RUVBL1: variants seen among roughly 807,000 people sequenced by gnomAD.
RUVBL1 encodes the protein ruvB-like 1.
Under a neutral mutation model 52.4 loss-of-function variants are expected in RUVBL1, and 4 were observed. The ratio of observed to expected loss-of-function variants is 0.08; its 90% CI spans 0.04 to 0.17. RUVBL1 has a LOEUF of 0.17. Among genes scored for constraint, RUVBL1 ranks in the 10% least tolerant of loss-of-function variants. RUVBL1 has a pLI of 1.00. For missense variants in RUVBL1, 298 were observed against 572.8 expected, an observed-to-expected ratio of 0.52 and a Z score of 4.90; for synonymous variants, 217 against 214.4, an observed-to-expected ratio of 1.01 and a Z score of -0.10.
At chr3:128,119,104 C>T (rs528711121) in intron 2 of RUVBL1, among the ~76,000 whole-genome samples, 1 of 152,192 alleles carries the variant, frequency 6.6e-6, no homozygotes, top group Admixed American at 6.5e-5. Flanking sequence ...ACAATGAGAC[C>T]CCTTCAAGGA....
chr3:128,119,910 C>A (rs191404444), intron 1 of RUVBL1, among the ~76,000 whole-genome samples: 372 of 152,212 alleles, frequency 2.4e-3, no homozygotes, highest in Non-Finnish European at 4.0e-3. Flanking sequence ...AGGTAGACAG[C>A]GGCCAGAACG....
At chr3:128,132,709 A>G (rs1053232080) in intron 1 of RUVBL1, among the ~76,000 whole-genome samples, 1 of 152,226 alleles carries the variant, frequency 6.6e-6, no homozygotes, top group Admixed American at 6.5e-5. Context: ...TCTGCTGAGT[A>G]GAGTGCATGG....
At chr3:128,096,642 C>T (rs1259341990) in intron 8 of RUVBL1, among the ~76,000 whole-genome samples, 4 of 151,968 alleles carry the variant, frequency 2.6e-5, no homozygotes, top group African/African-American at 7.3e-5. Context: ...TTGGCTAACA[C>T]GGTGAAACCC....
intron 1 of RUVBL1, among the ~76,000 whole-genome samples, chr3:128,139,644 T>G (rs1943991013): frequency 6.6e-6 from 1 of 152,144 alleles, no homozygotes; most frequent in Non-Finnish European, 1.5e-5. Context: ...TAGCCACAAT[T>G]TAGAAGCATC....
downstream of RUVBL1, among the ~76,000 whole-genome samples, chr3:128,076,715 G>A (rs1278941905): frequency 4.0e-5 from 6 of 151,796 alleles, no homozygotes; most frequent in Non-Finnish European, 8.8e-5. The surrounding 1 kb of genome is among the most constrained non-coding windows in gnomAD (Gnocchi z 6.8). Flanking sequence ...ATACACACGC[G>A]CGCGCGCAGC....
intron 1 of RUVBL1, among the ~76,000 whole-genome samples, chr3:128,143,638 C>A (rs1478854601): frequency 6.6e-6 from 1 of 152,186 alleles, no homozygotes; most frequent in African/African-American, 2.4e-5. Flanking sequence ...AGATTTCAGT[C>A]CAGTGGCAAA....
At chr3:128,134,844 G>A (rs925045691) in intron 1 of RUVBL1, among the ~76,000 whole-genome samples, 4 of 150,690 alleles carry the variant, frequency 2.7e-5, no homozygotes, top group Non-Finnish European at 5.9e-5. Context: ...GCAAAGAGGG[G>A]AAAAATTTAA....
intron 8 of RUVBL1, 105 bp downstream of exon 8, chr3:128,097,195 C>T (rs1323115984): frequency 8.0e-6 from 9 of 1,122,932 alleles, no homozygotes; most frequent in Non-Finnish European, 1.2e-5. Context: ...AACATGACCT[C>T]CCCTCATCCC....
intron 8 of RUVBL1, among the ~76,000 whole-genome samples, chr3:128,089,529 T>C (rs1453656506): frequency 6.6e-6 from 1 of 152,232 alleles, no homozygotes; most frequent in Non-Finnish European, 1.5e-5. Flanking sequence ...CAAGTAAGCA[T>C]GCTAAAAATT....
intron 6 of RUVBL1, 87 bp downstream of exon 6, chr3:128,100,508 C>A (rs908175307): frequency 1.4e-6 from 2 of 1,471,290 alleles, no homozygotes; most frequent in African/African-American, 2.8e-5. Context: ...TCAAGAAAGG[C>A]AGCAAGACTC....
chr3:128,087,904 G>T (rs1255493662), intron 8 of RUVBL1, 96 bp from the exon 9 acceptor site: 1 of 867,514 alleles, frequency 1.2e-6, no homozygotes, highest in Non-Finnish European at 1.9e-6. Context: ...CAAGCAGCTG[G>T]CTAGGCAGCC....
chr3:128,093,773 G>A (rs1942907729), intron 8 of RUVBL1, among the ~76,000 whole-genome samples: 1 of 152,226 alleles, frequency 6.6e-6, no homozygotes. Context: ...CAGGCAAGAA[G>A]GCAACAGAGC....
chr3:128,104,247 C>A (rs1943172947), intron 4 of RUVBL1, among the ~76,000 whole-genome samples: 1 of 152,200 alleles, frequency 6.6e-6, no homozygotes, highest in Non-Finnish European at 1.5e-5. Context: ...GGCCTCTCCA[C>A]AAAGCCCTGT....
chr3:128,085,843 C>T (rs1417498457), intron 9 of RUVBL1, among the ~76,000 whole-genome samples: 1 of 152,188 alleles, frequency 6.6e-6, no homozygotes, highest in Non-Finnish European at 1.5e-5. Context: ...ATCCTAATGA[C>T]AATGAGATGA....
At chr3:128,102,896 T>C (rs1224054277) in intron 4 of RUVBL1, among the ~76,000 whole-genome samples, 1 of 152,188 alleles carries the variant, frequency 6.6e-6, no homozygotes, top group Non-Finnish European at 1.5e-5. Context: ...TGCCTCTCCT[T>C]AGCTGGGTGG....
chr3:128,150,866 A>ATATATATATTCTATATATTATATAT (rs1944186360), intron 1 of RUVBL1, among the ~76,000 whole-genome samples: 1 of 55,830 alleles, frequency 1.8e-5, no homozygotes, highest in Non-Finnish European at 3.0e-5. Context: ...ATTATATATT[A>ATATATATATTCTATATATTATATAT]TATATATATA....
chr3:128,122,978 T>C (rs1344197933), intron 1 of RUVBL1, among the ~76,000 whole-genome samples: 1 of 152,214 alleles, frequency 6.6e-6, no homozygotes, highest in Non-Finnish European at 1.5e-5. Flanking sequence ...AAAAGGATGC[T>C]TGGAGGGGTG....
intron 1 of RUVBL1, among the ~76,000 whole-genome samples, chr3:128,152,475 TC>T (rs1323498316): frequency 6.6e-6 from 1 of 152,202 alleles, no homozygotes; most frequent in Admixed American, 6.5e-5. Flanking sequence ...CCTCTCCTGC[TC>T]CTTTTTATCT....
intron 1 of RUVBL1, among the ~76,000 whole-genome samples, chr3:128,144,934 G>C (rs900322745): frequency 6.6e-6 from 1 of 152,164 alleles, no homozygotes; most frequent in Non-Finnish European, 1.5e-5. Context: ...GACTTCATCA[G>C]GGCCAAGGAG....
Sources: allele counts gnomAD v4.1 joint callset (sites outside exome capture counted in the v4.1 genomes callset), GRCh38; gene constraint gnomAD v4.1.1; non-coding constraint Gnocchi (gnomAD v3.1); transcripts MANE v1.5; gene names NCBI Gene and HGNC (gene_info 2026-07-23, HGNC 2026-07-21).